The following TRPM1 variants were observed in gnomAD, a reference collection of about 807,000 sequenced individuals.
TRPM1 encodes the protein transient receptor potential cation channel subfamily M member 1.
TRPM1 carries 113 observed loss-of-function variants against 149.4 expected under a neutral mutation model. The observed-to-expected ratio is 0.76, with a 90% CI of 0.65 to 0.88. TRPM1 has a LOEUF of 0.88. TRPM1 is among the 40% of genes least tolerant of loss of function. The pLI is 0.00. For missense variants in TRPM1, 1,976 were observed against 2,038.7 expected, an observed-to-expected ratio of 0.97 and a Z score of 0.59; for synonymous variants, 741 against 759.5, an observed-to-expected ratio of 0.98 and a Z score of 0.40.
At position 31,066,060 on chromosome 15, in the gene TRPM1, C is replaced by T. The variant is rs375979153; in HGVS notation, c.790+16G>A. The T allele has an allele frequency of 6.2e-7, 1 of 1,612,628 alleles. No homozygotes were observed. Among genetic ancestry groups the T allele is most frequent in the African/African-American group, 1.3e-5 (1 of 74,934 alleles). ...GCATCAGCCCAGGAGGACTGCGTGCCTTTGCCAGCACTTACTTGTGTTGAT... is the reference window on the plus strand; with the variant it reads ...GCATCAGCCCAGGAGGACTGCGTGCTTTTGCCAGCACTTACTTGTGTTGAT... On this transcript the variant is annotated intron_variant, in intron 7 of 27. Transcript: ENST00000256552.
At chr15:31,047,997 T>G in intron 13 of TRPM1, 58 bp from the exon 14 acceptor site, 1 of 1,467,292 alleles carries the variant, frequency 6.8e-7, no homozygotes, top group Non-Finnish European at 9.5e-7. Context: ...GCGCGGTGGC[T>G]CACGCCTGTA....
chr15:31,068,085 C>T lies in TRPM1; in HGVS notation c.287G>A (p.Arg96His), dbSNP rs771033080. 17 of 1,613,984 alleles carry T rather than the reference C, an allele frequency of 1.1e-5. No homozygotes were observed. The highest frequency in any genetic ancestry group is 1.3e-5 in the Non-Finnish European group (15 of 1,179,860). Residue 96 changes from arginine (R) to histidine (H), a missense_variant, in exon 5 of 28, where the codon CGT (arginine) becomes CAT (histidine). Physicochemically the swap from Arg to His is conservative, Grantham distance 29. Transcript: ENST00000256552. ...GTCTGGCTTGGTGTCATAGGATACACGGATATACTGTGAAAGAGTGTGTGG... is the reference window on the plus strand; with the variant it reads ...GTCTGGCTTGGTGTCATAGGATACATGGATATACTGTGAAAGAGTGTGTGG... ...GGYSNKAMYIRVSYDTKPDSL... is the reference protein window; with the variant it reads ...GGYSNKAMYIHVSYDTKPDSL...
At chr15:31,144,203 G>T (rs910143808) in intron 1 of TRPM1, among the ~76,000 whole-genome samples, 1 of 152,158 alleles carries the variant, frequency 6.6e-6, no homozygotes, top group East Asian at 1.9e-4. Flanking sequence ...ACTCTGGGAG[G>T]CCGAGATGAG....
chr15:31,144,228 C>T (rs1471199399), intron 1 of TRPM1, among the ~76,000 whole-genome samples: 1 of 152,068 alleles, frequency 6.6e-6, no homozygotes, highest in African/African-American at 2.4e-5. Context: ...TCACTTGAAC[C>T]CAGTTCAAGA....
intron 1 of TRPM1, among the ~76,000 whole-genome samples, chr15:31,128,465 C>T (rs1432851223): frequency 6.6e-6 from 1 of 152,206 alleles, no homozygotes; most frequent in Admixed American, 6.5e-5. Context: ...GCCGGCTGCA[C>T]AGGTGCACAC....
At chr15:31,045,278 T>C (rs1030116362) in intron 16 of TRPM1, among the ~76,000 whole-genome samples, 4 of 152,234 alleles carry the variant, frequency 2.6e-5, no homozygotes, top group African/African-American at 9.7e-5. Context: ...TCAATCCTAA[T>C]ATTCCACAAT....
intron 27 of TRPM1, among the ~76,000 whole-genome samples, chr15:31,024,415 T>G (rs1252484857): frequency 6.6e-6 from 1 of 152,198 alleles, no homozygotes; most frequent in Non-Finnish European, 1.5e-5. Context: ...TCTTTCTGTC[T>G]TGGGCATTCA....
chr15:31,117,983 G>A, intron 1 of TRPM1, among the ~76,000 whole-genome samples: 1 of 152,156 alleles, frequency 6.6e-6, no homozygotes, highest in Non-Finnish European at 1.5e-5. Flanking sequence ...GTATCAGGCT[G>A]GGCGCAGTGG....
At chr15:31,138,760 T>A (rs1309597411) in intron 1 of TRPM1, among the ~76,000 whole-genome samples, 1 of 152,156 alleles carries the variant, frequency 6.6e-6, no homozygotes, top group African/African-American at 2.4e-5. Context: ...ACTAAATGAT[T>A]TCCAAAACAC....
At chr15:31,003,117 T>C in intron 27 of TRPM1, 47 bp from the exon 28 acceptor site, 1 of 1,520,460 alleles carries the variant, frequency 6.6e-7, no homozygotes, top group Non-Finnish European at 8.9e-7. Context: ...ATTAAGTGGA[T>C]ATTAAAAATC....
intron 1 of TRPM1, among the ~76,000 whole-genome samples, chr15:31,088,243 A>C (rs2035058299): frequency 6.6e-6 from 1 of 152,224 alleles, no homozygotes; most frequent in African/African-American, 2.4e-5. Flanking sequence ...CTCTCTGTAA[A>C]ATGGACCAAT....
At chr15:31,032,607 A>T in intron 22 of TRPM1, 82 bp downstream of exon 22, 1 of 1,549,540 alleles carries the variant, frequency 6.5e-7, no homozygotes, top group African/African-American at 1.4e-5. Flanking sequence ...ATGAAATTGA[A>T]GGAAGCCATG....
chr15:31,069,982 C>T, intron 4 of TRPM1, 49 bp downstream of exon 4: 9 of 1,614,084 alleles, frequency 5.6e-6, no homozygotes, highest in Non-Finnish European at 7.6e-6. Context: ...GACTGGCCGC[C>T]AATGAAAGCT....
intron 1 of TRPM1, among the ~76,000 whole-genome samples, chr15:31,157,936 G>A (rs143663192): frequency 6.6e-6 from 1 of 152,138 alleles, no homozygotes; most frequent in African/African-American, 2.4e-5. Context: ...GAGGGGTGCT[G>A]CTTTCGATTA....
rs987271374 is a variant in TRPM1, at chr15:31,086,574, C to T, written c.-83-5136G>A. 7.2e-5 allele frequency among the ~76,000 whole-genome samples: 11 copies of T among 152,252 alleles called. No homozygotes were observed. The East Asian group carries it at 1.9e-3, about 27-fold the overall frequency. On this transcript the variant is annotated intron_variant, in intron 1 of 27. Transcript: ENST00000256552. ...CCTGGCTTCTGGGTGCCTGTGGGTG[C>T]CTAGGTCAGCATCCCCACCTCTCCC...
chr15:31,114,346 A>G (rs941908606), intron 1 of TRPM1, among the ~76,000 whole-genome samples: 3 of 152,156 alleles, frequency 2.0e-5, no homozygotes. Flanking sequence ...AAAGGACATG[A>G]TCTTGTTCTT....
At chr15:31,047,636 C>G (rs2033818190) in intron 14 of TRPM1, among the ~76,000 whole-genome samples, 1 of 152,232 alleles carries the variant, frequency 6.6e-6, no homozygotes, top group Non-Finnish European at 1.5e-5. Flanking sequence ...AGTGGCCGCC[C>G]TGGCCTGGCG....
intron 1 of TRPM1, among the ~76,000 whole-genome samples, chr15:31,134,316 A>G (rs890729210): frequency 6.6e-6 from 1 of 152,184 alleles, no homozygotes; most frequent in Admixed American, 6.5e-5. Flanking sequence ...ACTATAGGAG[A>G]CCAGAACATG....
intron 10 of TRPM1, 77 bp downstream of exon 10, chr15:31,061,365 A>G: frequency 6.9e-7 from 1 of 1,440,170 alleles, no homozygotes; most frequent in Non-Finnish European, 9.8e-7. Context: ...GACATAGTCC[A>G]TGGGAGGCCG....
Sources: allele counts gnomAD v4.1 joint callset (sites outside exome capture counted in the v4.1 genomes callset), GRCh38; gene constraint gnomAD v4.1.1; transcripts MANE v1.5; gene names NCBI Gene and HGNC (gene_info 2026-07-23, HGNC 2026-07-21).